Variants in SNRNP70 observed in about 807,000 individuals in gnomAD.
The protein encoded by SNRNP70 is U1 small nuclear ribonucleoprotein 70 kDa.
A neutral mutation model predicts 50.5 loss-of-function variants in SNRNP70; 8 were observed. The ratio of observed to expected loss-of-function variants is 0.16; its 90% CI spans 0.09 to 0.29. The LOEUF is 0.29. SNRNP70 is among the 10% of genes least tolerant of loss of function. SNRNP70 has a pLI of 1.00. For missense variants in SNRNP70, 529 were observed against 663.5 expected (o/e 0.80, Z 2.23); for synonymous variants, 320 against 252.9 (o/e 1.27, Z -2.52).
At position 49,107,506 on chromosome 19, in the gene SNRNP70, C is replaced by T; in HGVS notation, c.578-119C>T. 2 of 902,092 alleles carry T rather than the reference C, an allele frequency of 2.2e-6. No individual in the cohort carries two copies. The highest frequency in any genetic ancestry group is 3.6e-6 in the Non-Finnish European group (2 of 559,594). 55.9% of individuals were successfully genotyped at this position (902,092 alleles called of 1,614,324 possible). On this transcript the variant is annotated intron_variant, in intron 8 of 9. Coordinates refer to ENST00000598441, the MANE Select transcript of SNRNP70 (RefSeq NM_003089.6). The surrounding 1 kb of genome is among the most constrained non-coding windows in gnomAD (Gnocchi z 6.0). ...ATGAACTGCACGGGGGGACCCGGCC[C>T]TGTGAACACTAAGCCAGGGGCTGCC... is the stretch of plus-strand genomic sequence containing the variant.
At chr19:49,102,374 C>G (rs1600287403) in intron 7 of SNRNP70, 1 of 314,694 alleles carries the variant, frequency 3.2e-6, no homozygotes, top group East Asian at 8.3e-5. Context: ...GAGAATCTTG[C>G]TGATCCCAGG....
intron 4 of SNRNP70, among the ~76,000 whole-genome samples, chr19:49,096,088 C>T (rs563975172): frequency 2.1e-4 from 29 of 135,384 alleles, no homozygotes; most frequent in African/African-American, 2.8e-4. Context: ...TTTTTTTTTT[C>T]GCTTTATTGC....
intron 7 of SNRNP70, chr19:49,102,262 C>T: frequency 2.0e-6 from 2 of 1,008,116 alleles, no homozygotes; most frequent in African/African-American, 1.7e-5. Context: ...CAGCGAGGCG[C>T]CCCTCCTCCC....
chr19:49,099,790 C>A (rs1568421004), intron 6 of SNRNP70, among the ~76,000 whole-genome samples: 1 of 151,816 alleles, frequency 6.6e-6, no homozygotes, highest in African/African-American at 2.4e-5. Context: ...CGCCTGTAAT[C>A]CCACATGTTG....
At chr19:49,099,096 G>A (rs950824097) in intron 6 of SNRNP70, among the ~76,000 whole-genome samples, 2 of 151,990 alleles carry the variant, frequency 1.3e-5, no homozygotes, top group South Asian at 2.1e-4. Context: ...GCTGAGTCCC[G>A]TTTTAGAGGA....
rs1196594000 is a variant in SNRNP70 at position 49,107,903 on chromosome 19, C to T, written c.774C>T (p.Arg258=). The T allele has an allele frequency of 6.5e-7, 1 of 1,548,426 alleles. No homozygotes were observed. Among genetic ancestry groups the T allele is most frequent in the Non-Finnish European group, 8.7e-7 (1 of 1,146,866 alleles). The change falls in exon 10 of 10, where the codon CGC becomes CGT. Residue 258 remains arginine, a synonymous_variant. Coordinates refer to ENST00000598441, the MANE Select transcript of SNRNP70 (RefSeq NM_003089.6). This position sits in a 1 kb window ranked among gnomAD's most constrained non-coding sequence, Gnocchi z 6.0. ...RDKERERRRS[R]SRDRRRRSRS... ...AGGAGCGAGAACGGCGACGCTCCCG[C>T]TCCCGGGACCGGCGGAGGCGCTCAC...
At chr19:49,091,775 C>T (rs565552487) in intron 4 of SNRNP70, among the ~76,000 whole-genome samples, 76 of 152,322 alleles carry the variant, frequency 5.0e-4, no homozygotes, top group African/African-American at 1.6e-3. Context: ...GCTGTCGGAA[C>T]GCTGTCTTGA....
At chr19:49,085,945 C>T (rs919395211) in intron 1 of SNRNP70, among the ~76,000 whole-genome samples, 11 of 152,246 alleles carry the variant, frequency 7.2e-5, no homozygotes, top group Admixed American at 7.2e-4. Context: ...CTGTTACCCA[C>T]AAGCACTTGG....
intron 4 of SNRNP70, among the ~76,000 whole-genome samples, chr19:49,097,270 GC>G (rs2040525013): frequency 6.6e-6 from 1 of 152,134 alleles, no homozygotes; most frequent in African/African-American, 2.4e-5. Context: ...GTCTGCCTTG[GC>G]CCTTCGCCAC....
At position 49,087,730 on chromosome 19, in the gene SNRNP70, G is replaced by C. The variant is rs927294090; in HGVS notation, c.147+1169G>C. ...TTCTAGCATTGGGTAGGTAAGGGCAGCTGGAGGCGAGGGAGTTGCAGAGCA... is the reference window on the plus strand; with the variant it reads ...TTCTAGCATTGGGTAGGTAAGGGCACCTGGAGGCGAGGGAGTTGCAGAGCA... On this transcript the variant is annotated intron_variant, in intron 2 of 9. Coordinates refer to ENST00000598441, the MANE Select transcript of SNRNP70 (RefSeq NM_003089.6). 2.0e-5 allele frequency: 3 copies of C among 152,220 alleles called. No homozygotes were observed. The South Asian group carries it at 6.2e-4, about 32-fold the overall frequency. The allele number at this position is 152,220 out of a possible 1,614,324, so 9.4% of individuals were successfully genotyped here.
chr19:49,088,498 C>CTTTTT lies in SNRNP70; in HGVS notation c.148-1781_148-1777dup, dbSNP rs71179084. ...ACAGACGTGAGCCACCGCACCCGAC[C>CTTTTT]TTTTTTTTTTTTTTTTGAGATGGAG... On this transcript the variant is annotated intron_variant, in intron 2 of 9. Coordinates refer to ENST00000598441, the MANE Select transcript of SNRNP70 (RefSeq NM_003089.6). Among the ~76,000 whole-genome samples, 23 of 99,508 alleles carry CTTTTT rather than the reference C, an allele frequency of 2.3e-4. 1 individual carries two copies. Among genetic ancestry groups the CTTTTT allele is most frequent in the African/African-American group, 6.0e-4 (15 of 24,856 alleles). 65.3% of individuals were successfully genotyped at this position (99,508 alleles called of 152,430 possible). A position where few individuals can be genotyped will look rare whatever the true frequency, so the allele number is the denominator to read the frequency against.
intron 2 of SNRNP70, among the ~76,000 whole-genome samples, chr19:49,086,868 T>C (rs988513390): frequency 3.8e-5 from 5 of 131,196 alleles, no homozygotes; most frequent in African/African-American, 1.4e-4. Flanking sequence ...GGACTTCGTC[T>C]CTCAAAAAAA....
chr19:49,087,177 CAAAAAAA>C (rs11398967), intron 2 of SNRNP70, among the ~76,000 whole-genome samples: 6 of 100,628 alleles, frequency 6.0e-5, no homozygotes, highest in South Asian at 7.2e-4. Flanking sequence ...AAGACTGTCT[CAAAAAAA>C]AAAAAAAAAA....
At chr19:49,096,136 C>T (rs1483075655) in intron 4 of SNRNP70, among the ~76,000 whole-genome samples, 1 of 151,620 alleles carries the variant, frequency 6.6e-6, no homozygotes, top group East Asian at 1.9e-4. Flanking sequence ...CGGCTCACTG[C>T]AATCTCCACC....
intron 4 of SNRNP70, chr19:49,090,726 G>A: frequency 3.4e-6 from 2 of 596,148 alleles, no homozygotes; most frequent in Non-Finnish European, 6.0e-6. Context: ...AAGTTGGCAG[G>A]AAGGGAGACC....
chr19:49,108,554 C>G lies in SNRNP70; in HGVS notation c.*111C>G, dbSNP rs112187529. The G allele has an allele frequency of 2.4e-5, 32 of 1,340,632 alleles. 2 individuals are homozygous for G. The African/African-American group carries it at 2.5e-4, about 11-fold the overall frequency. The allele number at this position is 1,340,632 out of a possible 1,614,324, so 83.0% of individuals were successfully genotyped here. A position where few individuals can be genotyped will look rare whatever the true frequency, so the allele number is the denominator to read the frequency against. The stretch of plus-strand genomic sequence containing the variant: ...GAGTTTGTCCTCCAAGGGTAGGTGT[C>G]TCATTTGTTCTGGCCCCTTGGATTT... On this transcript the variant is annotated 3_prime_UTR_variant, in exon 10 of 10. Coordinates refer to ENST00000598441, the MANE Select transcript of SNRNP70 (RefSeq NM_003089.6).
intron 7 of SNRNP70, chr19:49,102,347 C>T (rs559319990): frequency 1.7e-4 from 62 of 364,580 alleles, no homozygotes; most frequent in Admixed American, 8.6e-4. Context: ...CCTCCTGCCC[C>T]GATCCGTATG....
intron 8 of SNRNP70, among the ~76,000 whole-genome samples, chr19:49,105,653 G>C (rs992885201): frequency 3.9e-5 from 6 of 152,160 alleles, no homozygotes; most frequent in Non-Finnish European, 8.8e-5. Context: ...TTAAACCTGG[G>C]AGGCAGAGGT....
intron 6 of SNRNP70, among the ~76,000 whole-genome samples, chr19:49,100,545 G>A (rs2040569612): frequency 6.6e-6 from 1 of 152,042 alleles, no homozygotes; most frequent in African/African-American, 2.4e-5. Flanking sequence ...AGTGGCTCAC[G>A]CCCGTAATCC....
Sources: gnomAD v4.1 joint callset for allele counts (sites outside exome capture counted in the v4.1 genomes callset) on GRCh38, gnomAD v4.1.1 for gene constraint, Gnocchi (gnomAD v3.1) non-coding constraint, MANE v1.5 for transcripts, NCBI Gene and HGNC (gene_info 2026-07-23, HGNC 2026-07-21) for gene names.